The following LYPLAL1 variants were observed in gnomAD, a reference collection of about 807,000 sequenced individuals.
LYPLAL1 encodes lysophospholipase like 1, also known as lysophospholipase-like protein 1.
Under a neutral mutation model 19.7 loss-of-function variants are expected in LYPLAL1, and 23 were observed. That is an observed-to-expected ratio of 1.17 (90% CI 0.84 to 1.65). LYPLAL1 has a LOEUF of 1.65. Ranked by LOEUF, LYPLAL1 falls within the 40% of genes most tolerant of loss-of-function variation. LYPLAL1 has a pLI of 0.00. For synonymous variants in LYPLAL1, 119 were observed against 96.3 expected (o/e 1.24, Z -1.38); for missense variants, 355 against 279.4 (o/e 1.27, Z -1.93).
chr1:219,313,804 G>A, the LYPLAL1 span, among the ~76,000 whole-genome samples: 3 of 152,038 alleles, frequency 2.0e-5, no homozygotes, highest in African/African-American at 7.2e-5. Flanking sequence ...CAAAGTGCTG[G>A]GATTACAGGC....
the LYPLAL1 span, among the ~76,000 whole-genome samples, chr1:219,371,298 T>G: frequency 6.6e-6 from 1 of 152,150 alleles, no homozygotes. Flanking sequence ...AGTCCTTGTT[T>G]TTGGTGTCCC....
rs1294184094 is a variant in LYPLAL1 at position 219,173,900 on chromosome 1, G to T, written c.10G>T (p.Ala4Ser). MAA[A>S]SGSVLQRCIV... is the part of the protein sequence containing the mutation. ...GGCAGTGGCATCAGCGATGGCGGCTGCGTCGGGGTCGGTTCTGCAGCGCTG... is the reference window on the plus strand; with the variant it reads ...GGCAGTGGCATCAGCGATGGCGGCTTCGTCGGGGTCGGTTCTGCAGCGCTG... The change falls in exon 1 of 5, where the codon GCG becomes TCG. Residue 4 changes from alanine (A) to serine (S), a missense_variant. Transcript: ENST00000366928. 1.9e-6 allele frequency: 3 copies of T among 1,612,912 alleles called. No homozygotes were observed. The highest frequency in any genetic ancestry group is 2.5e-6 in the Non-Finnish European group (3 of 1,179,904).
chr1:219,386,909 T>C, the LYPLAL1 span, among the ~76,000 whole-genome samples: 1 of 152,218 alleles, frequency 6.6e-6, no homozygotes, highest in East Asian at 1.9e-4. Context: ...ATCACTAGCC[T>C]AACCCAAGCC....
At chr1:219,247,562 G>T in the LYPLAL1 span, among the ~76,000 whole-genome samples, 1 of 152,166 alleles carries the variant, frequency 6.6e-6, no homozygotes, top group Non-Finnish European at 1.5e-5. Flanking sequence ...TGGACCAAAG[G>T]CTGAGTAGGA....
chr1:219,249,053 G>A, the LYPLAL1 span, among the ~76,000 whole-genome samples: 1 of 151,718 alleles, frequency 6.6e-6, no homozygotes, highest in Non-Finnish European at 1.5e-5. Context: ...TTTCTCTCTG[G>A]TGTGTGTGAG....
the LYPLAL1 span, among the ~76,000 whole-genome samples, chr1:219,274,201 G>A: frequency 4.6e-5 from 7 of 152,194 alleles, no homozygotes; most frequent in Admixed American, 2.6e-4. Context: ...GGAGTCAATC[G>A]TTTCCGGCAC....
chr1:219,347,002 T>C, the LYPLAL1 span, among the ~76,000 whole-genome samples: 1 of 152,234 alleles, frequency 6.6e-6, no homozygotes, highest in Non-Finnish European at 1.5e-5. Flanking sequence ...AACATGTGTT[T>C]TTAAACCACA....
At chr1:219,223,331 C>T in the LYPLAL1 span, 4 of 152,118 alleles carry the variant, frequency 2.6e-5, no homozygotes, top group Admixed American at 6.5e-5. Context: ...GTAAACCATA[C>T]AATTTGATCA....
At chr1:219,387,770 A>G in the LYPLAL1 span, among the ~76,000 whole-genome samples, 2 of 152,202 alleles carry the variant, frequency 1.3e-5, no homozygotes, top group Non-Finnish European at 2.9e-5. Flanking sequence ...ATTTTAAATG[A>G]CATTCCCACT....
At chr1:219,422,567 A>G in the LYPLAL1 span, among the ~76,000 whole-genome samples, 2 of 152,198 alleles carry the variant, frequency 1.3e-5, no homozygotes, top group Admixed American at 6.5e-5. Flanking sequence ...ACAGAAAAAT[A>G]TAGTAGCTGT....
intron 3 of LYPLAL1, among the ~76,000 whole-genome samples, chr1:219,208,803 A>G (rs1177436987): frequency 6.6e-6 from 1 of 152,164 alleles, no homozygotes; most frequent in Non-Finnish European, 1.5e-5. Context: ...CTTCATAAGC[A>G]GAGAGAAATC....
the LYPLAL1 span, among the ~76,000 whole-genome samples, chr1:219,242,426 A>G: frequency 1.3e-5 from 2 of 152,184 alleles, no homozygotes; most frequent in Non-Finnish European, 1.5e-5. Flanking sequence ...AATGATGAAC[A>G]AAGTAGTCCC....
At chr1:219,241,098 A>ATCTCTCTCTCTCTC in the LYPLAL1 span, among the ~76,000 whole-genome samples, 23 of 59,196 alleles carry the variant, frequency 3.9e-4, no homozygotes, top group East Asian at 1.4e-3. Flanking sequence ...AATATATATA[A>ATCTCTCTCTCTCTC]TCTCTCTCTC....
chr1:219,323,603 A>G, the LYPLAL1 span, among the ~76,000 whole-genome samples: 1 of 152,178 alleles, frequency 6.6e-6, no homozygotes, highest in Non-Finnish European at 1.5e-5. Flanking sequence ...GGCTGCTCCA[A>G]ATGAAACATG....
At chr1:219,356,837 T>G in the LYPLAL1 span, among the ~76,000 whole-genome samples, 1 of 152,356 alleles carries the variant, frequency 6.6e-6, no homozygotes, top group African/African-American at 2.4e-5. Flanking sequence ...TATTTTGTGT[T>G]TTAATAAACC....
chr1:219,443,289 T>A, the LYPLAL1 span, among the ~76,000 whole-genome samples: 1 of 152,158 alleles, frequency 6.6e-6, no homozygotes, highest in South Asian at 2.1e-4. Context: ...TCCATGGGGT[T>A]ATAAGGGTAG....
intron 2 of LYPLAL1, among the ~76,000 whole-genome samples, chr1:219,190,745 CT>C (rs1485031971): frequency 6.7e-6 from 1 of 150,360 alleles, no homozygotes; most frequent in African/African-American, 2.4e-5. Flanking sequence ...ACAAAGTACT[CT>C]TTTAAACAAG....
the LYPLAL1 span, among the ~76,000 whole-genome samples, chr1:219,399,217 C>T: frequency 6.6e-6 from 1 of 152,098 alleles, no homozygotes; most frequent in Non-Finnish European, 1.5e-5. Flanking sequence ...CTGGTAGAGG[C>T]ATTGGCACAG....
chr1:219,375,207 C>A, the LYPLAL1 span, among the ~76,000 whole-genome samples: 1 of 152,160 alleles, frequency 6.6e-6, no homozygotes, highest in Non-Finnish European at 1.5e-5. Context: ...TGGCTCACAT[C>A]TGTAATCCCA....
Sources: allele counts gnomAD v4.1 joint callset (sites outside exome capture counted in the v4.1 genomes callset), GRCh38; gene constraint gnomAD v4.1.1; transcripts MANE v1.5; gene names NCBI Gene and HGNC (gene_info 2026-07-23, HGNC 2026-07-21).